AGTPBP1: variants seen among roughly 807,000 people sequenced by gnomAD.
The protein encoded by AGTPBP1 is ATP/GTP binding carboxypeptidase 1, also known as cytosolic carboxypeptidase 1.
A neutral mutation model predicts 143.9 loss-of-function variants in AGTPBP1; 70 were observed. The ratio of observed to expected loss-of-function variants is 0.49; its 90% confidence interval spans 0.40 to 0.59. The LOEUF (loss-of-function observed/expected upper bound fraction) is 0.59, where lower values mean the gene tolerates loss of function less well. Among genes scored for constraint, AGTPBP1 ranks in the 20% least tolerant of loss-of-function variants. The pLI is 0.00. For missense variants in AGTPBP1, 1,229 were observed against 1,464.5 expected, an observed-to-expected ratio of 0.84 and a Z score of 2.62; for synonymous variants, 463 against 500.2, an observed-to-expected ratio of 0.93 and a Z score of 0.99.
chr9:85,564,106 A>C (rs193016190), intron 25 of AGTPBP1, among the ~76,000 whole-genome samples: 7 of 152,374 alleles, frequency 4.6e-5, no homozygotes, highest in Non-Finnish European at 1.0e-4. Context: ...TACTAGGGCA[A>C]GGCCCAGCAA....
chr9:85,600,587 A>C (rs1829599254), intron 17 of AGTPBP1, among the ~76,000 whole-genome samples: 1 of 152,114 alleles, frequency 6.6e-6, no homozygotes, highest in Non-Finnish European at 1.5e-5. Flanking sequence ...AGTACAGGAA[A>C]AGGGTAAGTG....
At chr9:85,741,668 C>G in intron 1 of AGTPBP1, 107 bp downstream of exon 1, 1 of 1,254,382 alleles carries the variant, frequency 8.0e-7, no homozygotes, top group Non-Finnish European at 1.0e-6. Context: ...CGCAGGGATC[C>G]GGGGTCGCCC....
intron 2 of AGTPBP1, among the ~76,000 whole-genome samples, chr9:85,696,868 G>A (rs551534663): frequency 2.6e-5 from 4 of 152,100 alleles, no homozygotes; most frequent in Non-Finnish European, 5.9e-5. Context: ...TAACCTATAC[G>A]ACACTATCAC....
intron 25 of AGTPBP1, among the ~76,000 whole-genome samples, chr9:85,553,531 C>T (rs561191419): frequency 3.9e-5 from 6 of 152,252 alleles, no homozygotes; most frequent in East Asian, 3.9e-4. Context: ...TTCTAACTTA[C>T]GGTATTTTCA....
At chr9:85,793,388 T>C in the AGTPBP1 span, 1 of 152,192 alleles carries the variant, frequency 6.6e-6, no homozygotes, top group East Asian at 1.9e-4. Context: ...TTTTAGCTCC[T>C]AAATACAACA....
At chr9:85,688,170 A>T (rs1286188197) in intron 3 of AGTPBP1, among the ~76,000 whole-genome samples, 1 of 151,614 alleles carries the variant, frequency 6.6e-6, no homozygotes, top group African/African-American at 2.4e-5. Context: ...AGAAGAAAGC[A>T]ATAAATAAAA....
chr9:85,562,780 G>C (rs1469724054), intron 25 of AGTPBP1, among the ~76,000 whole-genome samples: 1 of 152,124 alleles, frequency 6.6e-6, no homozygotes, highest in Non-Finnish European at 1.5e-5. Flanking sequence ...GTATTGTAAA[G>C]AGTAATTATA....
chr9:85,572,883 C>T (rs1349079575), intron 25 of AGTPBP1, among the ~76,000 whole-genome samples: 5 of 152,098 alleles, frequency 3.3e-5, no homozygotes, highest in Non-Finnish European at 7.4e-5. Flanking sequence ...TAATGTTTGT[C>T]ACACCTAAAA....
chr9:85,760,820 A>C, the AGTPBP1 span, among the ~76,000 whole-genome samples: 1 of 152,206 alleles, frequency 6.6e-6, no homozygotes, highest in Non-Finnish European at 1.5e-5. Context: ...GGAAAAGAGG[A>C]AGTCAAATTG....
At chr9:85,658,522 T>C (rs1327657925) in intron 9 of AGTPBP1, among the ~76,000 whole-genome samples, 2 of 152,004 alleles carry the variant, frequency 1.3e-5, no homozygotes, top group African/African-American at 2.4e-5. Context: ...TTATAAGGGG[T>C]GCAAGATAAT....
chr9:85,611,212 T>A, intron 17 of AGTPBP1, among the ~76,000 whole-genome samples: 2 of 146,338 alleles, frequency 1.4e-5, no homozygotes, highest in Non-Finnish European at 1.5e-5. Context: ...AAAATAAGTG[T>A]CACACTAAAT....
chr9:85,762,236 A>G, the AGTPBP1 span, among the ~76,000 whole-genome samples: 2 of 152,318 alleles, frequency 1.3e-5, no homozygotes, highest in African/African-American at 2.4e-5. Flanking sequence ...ATCTAGAACT[A>G]GAAATACCAT....
At chr9:85,657,059 T>G (rs1416219176) in intron 10 of AGTPBP1, among the ~76,000 whole-genome samples, 1 of 151,846 alleles carries the variant, frequency 6.6e-6, no homozygotes, top group Non-Finnish European at 1.5e-5. Flanking sequence ...AGGGATAGCA[T>G]TGGGAGATAT....
At chr9:85,752,498 C>T in the AGTPBP1 span, among the ~76,000 whole-genome samples, 3 of 152,162 alleles carry the variant, frequency 2.0e-5, no homozygotes, top group African/African-American at 7.2e-5. Flanking sequence ...GACTCTTATC[C>T]TTGTTACGCT....
chr9:85,572,469 AAT>A (rs1827567259), intron 25 of AGTPBP1, among the ~76,000 whole-genome samples: 2 of 152,228 alleles, frequency 1.3e-5, no homozygotes, highest in Non-Finnish European at 2.9e-5. Context: ...AAACAAAATA[AAT>A]ATGATTACAA....
At chr9:85,639,958 C>T (rs1283859137) in intron 13 of AGTPBP1, among the ~76,000 whole-genome samples, 3 of 152,108 alleles carry the variant, frequency 2.0e-5, no homozygotes, top group Admixed American at 2.0e-4. Context: ...TGAATAATGG[C>T]CTTAACACAG....
At chr9:85,612,584 T>G (rs1036880339) in intron 17 of AGTPBP1, among the ~76,000 whole-genome samples, 2 of 152,180 alleles carry the variant, frequency 1.3e-5, no homozygotes, top group Non-Finnish European at 2.9e-5. Flanking sequence ...TAGCAAATTA[T>G]CAAAGTGAGG....
At chr9:85,573,410 A>G (rs1253395572) in intron 25 of AGTPBP1, among the ~76,000 whole-genome samples, 2 of 152,144 alleles carry the variant, frequency 1.3e-5, no homozygotes, top group African/African-American at 2.4e-5. Context: ...TCAGTGCTCA[A>G]TGGTGCCCAG....
chr9:85,602,657 T>C (rs997663154), intron 17 of AGTPBP1, among the ~76,000 whole-genome samples: 1 of 152,110 alleles, frequency 6.6e-6, no homozygotes, highest in African/African-American at 2.4e-5. Context: ...CCCCACTCCA[T>C]GCCCCACAAT....
Sources: gnomAD v4.1 joint callset for allele counts (sites outside exome capture counted in the v4.1 genomes callset) on GRCh38, gnomAD v4.1.1 for gene constraint, MANE v1.5 for transcripts, NCBI Gene and HGNC (gene_info 2026-07-23, HGNC 2026-07-21) for gene names.